The following SYN3 variants were observed in gnomAD, a reference collection of about 807,000 sequenced individuals.
SYN3 encodes the protein synapsin III.
SYN3 carries 35 observed loss-of-function variants against 65.8 expected under a neutral mutation model. That is an observed-to-expected ratio of 0.53 (90% CI 0.41 to 0.70). SYN3 has a LOEUF of 0.70. SYN3 is among the 30% of genes least tolerant of loss of function. The pLI is 0.00. For synonymous variants in SYN3, 270 were observed against 292.9 expected, an observed-to-expected ratio of 0.92 and a Z score of 0.80; for missense variants, 680 against 749.0, an observed-to-expected ratio of 0.91 and a Z score of 1.08.
intron 1 of SYN3, among the ~76,000 whole-genome samples, chr22:33,046,722 A>C (rs894217216): frequency 1.3e-5 from 2 of 151,852 alleles, no homozygotes; most frequent in African/African-American, 4.8e-5. Context: ...AGGCATCTGT[A>C]ATCCCAGCTA....
chr22:32,849,102 G>C (rs1028974727), intron 6 of SYN3, among the ~76,000 whole-genome samples: 10 of 152,208 alleles, frequency 6.6e-5, no homozygotes, highest in African/African-American at 2.2e-4. Context: ...GACAAGGGAG[G>C]GGGGACAATG....
intron 6 of SYN3, 56 bp downstream of exon 6, chr22:32,864,859 G>A: frequency 6.7e-7 from 1 of 1,496,210 alleles, no homozygotes; most frequent in East Asian, 2.3e-5. Flanking sequence ...CCGAGGACAA[G>A]TCATCTGTAT....
At chr22:32,772,181 G>T (rs942866333) in intron 6 of SYN3, among the ~76,000 whole-genome samples, 6 of 151,280 alleles carry the variant, frequency 4.0e-5, no homozygotes, top group Non-Finnish European at 8.8e-5. Context: ...CTGGGCCACA[G>T]GGGGGGAGAA....
rs181464579 is a variant in SYN3 at position 32,927,969 on chromosome 22, G to A, written c.461+3421C>T. Among the ~76,000 whole-genome samples, 3 of 152,312 alleles carry A rather than the reference G, an allele frequency of 2.0e-5. No individual in the cohort carries two copies. In the East Asian group the frequency reaches 5.8e-4, roughly 29 times the overall value. Reference sequence around the variant, plus strand: ...CTGTTACTTTAACAAAAGTACAGATGTTCCTTAACTTACAAAGGGGCTGCA... The same window carrying A: ...CTGTTACTTTAACAAAAGTACAGATATTCCTTAACTTACAAAGGGGCTGCA... On this transcript the variant is annotated intron_variant, in intron 4 of 13. Coordinates refer to ENST00000358763, the MANE Select transcript of SYN3 (RefSeq NM_003490.4).
chr22:32,887,077 G>A (rs2049314177), intron 4 of SYN3, among the ~76,000 whole-genome samples: 1 of 152,150 alleles, frequency 6.6e-6, no homozygotes, highest in East Asian at 1.9e-4. Context: ...AAGCTGCCAT[G>A]TTATAGAAAG....
intron 4 of SYN3, among the ~76,000 whole-genome samples, chr22:32,925,021 G>A (rs1001211152): frequency 4.6e-5 from 7 of 152,150 alleles, no homozygotes; most frequent in Admixed American, 3.3e-4. Context: ...GAGCCCAGGA[G>A]GTTGAGGCTG....
intron 12 of SYN3, among the ~76,000 whole-genome samples, chr22:32,522,188 G>T (rs1239457792): frequency 6.6e-6 from 1 of 152,170 alleles, no homozygotes; most frequent in Admixed American, 6.5e-5. Flanking sequence ...AATGTGATTT[G>T]TTAATTGGGG....
At chr22:32,756,006 G>T (rs995295951) in intron 6 of SYN3, among the ~76,000 whole-genome samples, 1 of 151,894 alleles carries the variant, frequency 6.6e-6, no homozygotes, top group African/African-American at 2.4e-5. Context: ...TTACTCGTAA[G>T]TGGGAGTTGA....
At chr22:32,802,058 G>T in intron 6 of SYN3, 1 of 1,576,672 alleles carries the variant, frequency 6.3e-7, no homozygotes, top group Non-Finnish European at 8.6e-7. Flanking sequence ...TGGGGGACTG[G>T]GGCGCCGAGG....
At chr22:32,567,896 C>G (rs9621496) in intron 7 of SYN3, among the ~76,000 whole-genome samples, 3,263 of 152,294 alleles carry the variant, frequency 0.021, 109 homozygotes, top group African/African-American at 0.074. Flanking sequence ...TGCCTCCCTC[C>G]TCCTTCTCTT....
intron 6 of SYN3, among the ~76,000 whole-genome samples, chr22:32,727,169 G>C (rs1236950327): frequency 6.6e-6 from 1 of 152,064 alleles, no homozygotes; most frequent in African/African-American, 2.4e-5. Flanking sequence ...GGCTCAGTGT[G>C]TGTTGTTTCC....
intron 6 of SYN3, among the ~76,000 whole-genome samples, chr22:32,707,644 G>C (rs2060897867): frequency 6.6e-6 from 1 of 151,968 alleles, no homozygotes; most frequent in Admixed American, 6.5e-5. Context: ...AGGCCCAAAT[G>C]AGATAATAAG....
intron 6 of SYN3, among the ~76,000 whole-genome samples, chr22:32,842,183 T>A (rs2047929685): frequency 6.6e-6 from 1 of 152,210 alleles, no homozygotes. Flanking sequence ...AGACCCCACG[T>A]GCTCCATGCC....
chr22:32,997,268 C>G (rs1222329570), intron 2 of SYN3, among the ~76,000 whole-genome samples: 3 of 152,194 alleles, frequency 2.0e-5, no homozygotes, highest in African/African-American at 7.2e-5. Flanking sequence ...AGCCATTGAA[C>G]CCCTGGTCAG....
intron 7 of SYN3, among the ~76,000 whole-genome samples, chr22:32,595,154 T>A (rs2059181705): frequency 6.6e-6 from 1 of 152,130 alleles, no homozygotes; most frequent in Admixed American, 6.6e-5. Flanking sequence ...TATCTCTACA[T>A]CCCATTGTTG....
At chr22:32,787,474 T>C (rs533671588) in intron 6 of SYN3, among the ~76,000 whole-genome samples, 5 of 152,316 alleles carry the variant, frequency 3.3e-5, no homozygotes, top group African/African-American at 9.6e-5. Context: ...GAGCAAGTGA[T>C]TTAACCTCCC....
At chr22:32,960,231 C>T (rs1372192456) in intron 3 of SYN3, among the ~76,000 whole-genome samples, 8 of 152,278 alleles carry the variant, frequency 5.3e-5, no homozygotes, top group African/African-American at 1.9e-4. Context: ...TGCAAACCAA[C>T]CAACGCAGGC....
chr22:33,043,913 C>T (rs1270754718), intron 1 of SYN3, among the ~76,000 whole-genome samples: 6 of 151,880 alleles, frequency 4.0e-5, no homozygotes, highest in Non-Finnish European at 5.9e-5. Context: ...ATTAGCTGGG[C>T]GTGGTGGTAT....
chr22:32,617,860 C>A (rs533029605), intron 6 of SYN3, among the ~76,000 whole-genome samples: 9 of 151,582 alleles, frequency 5.9e-5, no homozygotes, highest in African/African-American at 1.7e-4. Context: ...TTGTCAGCTG[C>A]GAGTCTAGGT....
Sources: allele counts gnomAD v4.1 joint callset (sites outside exome capture counted in the v4.1 genomes callset), GRCh38; gene constraint gnomAD v4.1.1; transcripts MANE v1.5; gene names NCBI Gene and HGNC (gene_info 2026-07-23, HGNC 2026-07-21).